Variants in MGAT4A observed in about 807,000 individuals in gnomAD.
MGAT4A encodes alpha-1,3-mannosyl-glycoprotein 4-beta-N-acetylglucosaminyltransferase A, also known as N-acetylglucosaminyltransferase IVa.
In MGAT4A, 33 loss-of-function variants were observed where a neutral mutation model predicts 74.1. That is an observed-to-expected ratio of 0.45 (90% CI 0.34 to 0.60). The LOEUF (loss-of-function observed/expected upper bound fraction) is 0.60, where lower values mean the gene tolerates loss of function less well. Ranked by LOEUF, MGAT4A falls within the 20% of genes least tolerant of loss-of-function variation. MGAT4A has a pLI of 0.02. For missense variants in MGAT4A, 479 were observed against 628.3 expected (o/e 0.76, Z 2.54); for synonymous variants, 198 against 210.4 (o/e 0.94, Z 0.51).
intron 8 of MGAT4A, among the ~76,000 whole-genome samples, chr2:98,653,929 T>A (rs1701619257): frequency 6.6e-6 from 1 of 152,070 alleles, no homozygotes; most frequent in African/African-American, 2.4e-5. Context: ...GCAAATGGAA[T>A]TAAAATGCAC....
At position 98,624,223 on chromosome 2, in the gene MGAT4A, A is replaced by G. The variant is rs1296526305; in HGVS notation, c.*1343T>C. ...GAGACAGGGTTTCACCGTGTTAGCCAGGATGGTCTTGATCTCCTGACCTCG... is the reference window on the plus strand; with the variant it reads ...GAGACAGGGTTTCACCGTGTTAGCCGGGATGGTCTTGATCTCCTGACCTCG... On this transcript the variant is annotated 3_prime_UTR_variant, in exon 16 of 16. Coordinates refer to ENST00000393487, the MANE Select transcript of MGAT4A (RefSeq NM_012214.3). 5.5e-6 allele frequency: 3 copies of G among 549,424 alleles called. No individual in the cohort carries two copies. In the African/African-American group the frequency reaches 6.1e-5, roughly 11 times the overall value. 34.0% of individuals were successfully genotyped at this position (549,424 alleles called of 1,614,324 possible).
intron 3 of MGAT4A, among the ~76,000 whole-genome samples, chr2:98,675,573 G>T (rs1373054699): frequency 2.7e-5 from 4 of 150,364 alleles, no homozygotes; most frequent in Non-Finnish European, 5.9e-5. Context: ...TTGTGACAGG[G>T]TCTTGCTCTG....
chr2:98,657,017 G>C (rs1455899288), intron 6 of MGAT4A, among the ~76,000 whole-genome samples: 1 of 152,174 alleles, frequency 6.6e-6, no homozygotes, highest in Non-Finnish European at 1.5e-5. Context: ...ACTGTGATCA[G>C]TACTACTGAC....
intron 8 of MGAT4A, among the ~76,000 whole-genome samples, chr2:98,648,461 T>C (rs1033557519): frequency 6.6e-6 from 1 of 151,976 alleles, no homozygotes; most frequent in East Asian, 1.9e-4. Context: ...GATCACACCA[T>C]TGCAGTCCAG....
intron 12 of MGAT4A, 65 bp from the exon 13 acceptor site, chr2:98,636,660 T>C: frequency 7.2e-7 from 1 of 1,398,346 alleles, no homozygotes; most frequent in Non-Finnish European, 1.0e-6. Context: ...TTCAAGAAAA[T>C]GACCTTACCT....
intron 2 of MGAT4A, among the ~76,000 whole-genome samples, chr2:98,718,953 T>C (rs1481547939): frequency 6.6e-6 from 1 of 152,182 alleles, no homozygotes; most frequent in African/African-American, 2.4e-5. Context: ...GTCATTATCC[T>C]CAGTCCCACC....
intron 2 of MGAT4A, among the ~76,000 whole-genome samples, chr2:98,685,451 C>T: frequency 6.6e-6 from 1 of 152,148 alleles, no homozygotes; most frequent in Middle Eastern, 3.4e-3. Context: ...ATCACTCTTA[C>T]ACAACCATTT....
intron 4 of MGAT4A, among the ~76,000 whole-genome samples, chr2:98,671,183 G>A (rs547485303): frequency 1.3e-5 from 2 of 152,084 alleles, no homozygotes; most frequent in South Asian, 4.2e-4. Flanking sequence ...ACAACTCTAG[G>A]TCCATCTTCT....
Position 98,625,412 on chromosome 2 carries a change from TG to T in MGAT4A, c.*153del, listed in dbSNP as rs74787967. On this transcript the variant is annotated 3_prime_UTR_variant, in exon 16 of 16. Coordinates refer to ENST00000393487, the MANE Select transcript of MGAT4A (RefSeq NM_012214.3). Reference sequence around the variant, plus strand: ...TAGTTTCAAACAAATACAATTATTATGGGAGATTCACTTTCCAAGTGGAAAT... The same window carrying T: ...TAGTTTCAAACAAATACAATTATTATGGAGATTCACTTTCCAAGTGGAAAT... 1.5e-5 allele frequency: 22 copies of T among 1,465,386 alleles called. No individual in the cohort carries two copies. The East Asian group carries it at 5.1e-4, about 34-fold the overall frequency. 90.8% of individuals were successfully genotyped at this position (1,465,386 alleles called of 1,614,324 possible).
chr2:98,671,187 ATCT>A (rs1292305249), intron 4 of MGAT4A, among the ~76,000 whole-genome samples: 1 of 152,126 alleles, frequency 6.6e-6, no homozygotes, highest in African/African-American at 2.4e-5. Flanking sequence ...CTCTAGGTCC[ATCT>A]TCTTCTTCCC....
chr2:98,637,481 G>A (rs1701340223), intron 12 of MGAT4A, among the ~76,000 whole-genome samples: 2 of 151,994 alleles, frequency 1.3e-5, no homozygotes, highest in South Asian at 2.1e-4. Context: ...ACTAATTATC[G>A]ATATATGGTG....
chr2:98,703,795 G>A (rs893829795), intron 2 of MGAT4A, among the ~76,000 whole-genome samples: 17 of 152,228 alleles, frequency 1.1e-4, no homozygotes, highest in African/African-American at 4.1e-4. Flanking sequence ...TCTGGCCTCA[G>A]GACTTTTGTA....
At chr2:98,679,004 G>C (rs1188897372) in intron 2 of MGAT4A, among the ~76,000 whole-genome samples, 1 of 152,106 alleles carries the variant, frequency 6.6e-6, no homozygotes, top group East Asian at 1.9e-4. Flanking sequence ...TTTGGTCAAA[G>C]CCCTGATCCC....
chr2:98,692,535 C>G (rs142538885), intron 2 of MGAT4A, among the ~76,000 whole-genome samples: 492 of 152,312 alleles, frequency 3.2e-3, no homozygotes, highest in African/African-American at 0.012. Context: ...TCACTCCCCA[C>G]TCACTCACTG....
intron 2 of MGAT4A, among the ~76,000 whole-genome samples, chr2:98,683,943 C>T (rs1444221016): frequency 2.0e-5 from 3 of 152,148 alleles, no homozygotes; most frequent in African/African-American, 7.2e-5. Context: ...GAAAAGGCTC[C>T]AGAGGGGCCA....
In MGAT4A at chr2:98,625,492, TA is replaced by T. The variant is rs543899006; in HGVS notation, c.*73del. 10 of 1,582,942 alleles carry T rather than the reference TA, an allele frequency of 6.3e-6. No individual in the cohort carries two copies. The highest frequency in any genetic ancestry group is 2.3e-5 in the South Asian group (2 of 85,260). ...ACAAGAGGTAGTGTTCAAGTAGAAA[TA>T]AAAAAAAGATACATGCTTAACTATC... On this transcript the variant is annotated 3_prime_UTR_variant, in exon 16 of 16. Coordinates refer to ENST00000393487, the MANE Select transcript of MGAT4A (RefSeq NM_012214.3).
At chr2:98,730,533 C>G (rs779787621) in intron 1 of MGAT4A, among the ~76,000 whole-genome samples, 24 of 152,192 alleles carry the variant, frequency 1.6e-4, no homozygotes, top group Non-Finnish European at 3.2e-4. Context: ...CGCCTCGGAC[C>G]GTCCGGCCCC....
chr2:98,700,309 A>G (rs1241392283), intron 2 of MGAT4A, among the ~76,000 whole-genome samples: 1 of 148,548 alleles, frequency 6.7e-6, no homozygotes, highest in African/African-American at 2.4e-5. Context: ...GACTATATAT[A>G]TAATATATAC....
intron 2 of MGAT4A, among the ~76,000 whole-genome samples, chr2:98,696,812 A>G (rs1702280909): frequency 6.6e-6 from 1 of 152,170 alleles, no homozygotes; most frequent in East Asian, 1.9e-4. Flanking sequence ...TTTATAAACC[A>G]TTTACTATGG....
Sources: gnomAD v4.1 joint callset for allele counts (sites outside exome capture counted in the v4.1 genomes callset) on GRCh38, gnomAD v4.1.1 for gene constraint, MANE v1.5 for transcripts, NCBI Gene and HGNC (gene_info 2026-07-23, HGNC 2026-07-21) for gene names.